The following ZFP3 variants were observed in gnomAD, a reference collection of about 807,000 sequenced individuals.
The protein encoded by ZFP3 is zinc finger protein 3 homolog.
A neutral mutation model predicts 36.7 loss-of-function variants in ZFP3; 18 were observed. That is an observed-to-expected ratio of 0.49 (90% CI 0.34 to 0.73). The LOEUF is 0.73. Ranked by LOEUF, ZFP3 falls within the 30% of genes least tolerant of loss-of-function variation. ZFP3 has a pLI of 0.01. For missense variants in ZFP3, 495 were observed against 599.0 expected (o/e 0.83, Z 1.81); for synonymous variants, 218 against 199.0 (o/e 1.10, Z -0.81).
chr17:5,091,139 C>A (rs1223823257), intron 1 of ZFP3, among the ~76,000 whole-genome samples: 1 of 152,040 alleles, frequency 6.6e-6, no homozygotes, highest in Non-Finnish European at 1.5e-5. Flanking sequence ...CTCTTGAAAT[C>A]TTTTCTCACT....
In ZFP3 at chr17:5,092,816, C is replaced by T. The variant is rs370210152; in HGVS notation, c.1312C>T (p.Leu438Phe). The change falls in exon 2 of 2, where the codon CTC (leucine) becomes TTC (phenylalanine). Residue 438 changes from leucine to phenylalanine, a missense_variant. Leu to Phe is a conservative substitution (Grantham distance 22). This residue lies in a region of ZFP3 where 163 missense variants were observed against 178.4 expected (regional missense o/e 0.91). Transcript: ENST00000318833. This position sits in a 1 kb window ranked among gnomAD's most constrained non-coding sequence, Gnocchi z 5.0. ...CTTTTGGGATAATTCTGAGCTGCTT[C>T]TCCACCAGAAAATTCATATTGGAGA... ...RTFWDNSELL[L>F]HQKIHIGEKP... 2.5e-6 allele frequency: 4 copies of T among 1,614,122 alleles called. No homozygotes were observed. The highest frequency in any genetic ancestry group is 3.4e-6 in the Non-Finnish European group (4 of 1,180,020).
At chr17:5,084,568 C>G (rs1039248146) in intron 1 of ZFP3, among the ~76,000 whole-genome samples, 7 of 151,968 alleles carry the variant, frequency 4.6e-5, no homozygotes, top group Non-Finnish European at 8.8e-5. Context: ...AGCCACCGCG[C>G]CCGGCCTGAA....
In ZFP3 at chr17:5,095,747, TATCCA is replaced by T. The variant is rs2072177839; in HGVS notation, c.*2740_*2744del. On this transcript the variant is annotated 3_prime_UTR_variant, in exon 2 of 2. Transcript: ENST00000318833. Reference sequence around the variant, plus strand: ...CCTCAACTTCTTTTTGCCTACTAGATATCCAATCCATCACCTCGCCTCCCCTGGCC... The same window carrying T: ...CCTCAACTTCTTTTTGCCTACTAGATATCCATCACCTCGCCTCCCCTGGCC... 1 of 165,972 alleles carries T rather than the reference TATCCA, an allele frequency of 6.0e-6. No individual in the cohort carries two copies. The highest frequency in any genetic ancestry group is 1.5e-5 in the Non-Finnish European group (1 of 67,974). The allele number at this position is 165,972 out of a possible 1,614,324, so 10.3% of individuals were successfully genotyped here.
At chr17:5,084,943 ATACC>A (rs543165555) in intron 1 of ZFP3, among the ~76,000 whole-genome samples, 68 of 152,356 alleles carry the variant, frequency 4.5e-4, no homozygotes, top group Admixed American at 5.2e-4. Context: ...ATTTGAGAAG[ATACC>A]CATAGAGCAG....
chr17:5,079,099 A>G (rs1411545514), intron 1 of ZFP3, among the ~76,000 whole-genome samples: 1 of 152,224 alleles, frequency 6.6e-6, no homozygotes, highest in Non-Finnish European at 1.5e-5. Context: ...CAGTGCCATA[A>G]ATTAAATATC....
chr17:5,092,482 G>T lies in ZFP3; in HGVS notation c.978G>T (p.Arg326=), dbSNP rs772787413. Residue 326 remains arginine (R), a synonymous_variant, in exon 2 of 2, where the codon CGG becomes CGT. Coordinates refer to ENST00000318833, the MANE Select transcript of ZFP3 (RefSeq NM_153018.3). This position sits in a 1 kb window ranked among gnomAD's most constrained non-coding sequence, Gnocchi z 5.0. Reference sequence around the variant, plus strand: ...TCGGGCAGAGTTCTGAGCTTATCCGGCATCAGAGAATTCATACAGGGGACA... The same window carrying T: ...TCGGGCAGAGTTCTGAGCTTATCCGTCATCAGAGAATTCATACAGGGGACA... The part of the protein sequence containing the change: ...KGFGQSSELI[R]HQRIHTGDKP... 5.0e-6 allele frequency: 8 copies of T among 1,613,856 alleles called. No homozygotes were observed. In the African/African-American group the frequency reaches 1.1e-4, roughly 22 times the overall value.
intron 1 of ZFP3, among the ~76,000 whole-genome samples, chr17:5,079,461 G>A (rs187578127): frequency 6.6e-6 from 1 of 152,048 alleles, no homozygotes; most frequent in African/African-American, 2.4e-5. Flanking sequence ...AGCCTGGGAA[G>A]TTGAAGCTGC....
intron 1 of ZFP3, among the ~76,000 whole-genome samples, chr17:5,082,776 C>T (rs1880309925): frequency 6.6e-6 from 1 of 152,154 alleles, no homozygotes; most frequent in African/African-American, 2.4e-5. Context: ...GTGATGTACC[C>T]ACCTTAGCCT....
rs1227793919 is a variant in ZFP3 at position 5,094,767 on chromosome 17, T to C, written c.*1754T>C. 6.0e-6 allele frequency: 1 copy of C among 167,142 alleles called. No homozygotes were observed. Among genetic ancestry groups the C allele is most frequent in the Non-Finnish European group, 1.5e-5 (1 of 68,128 alleles). 10.4% of individuals were successfully genotyped at this position (167,142 alleles called of 1,614,324 possible). On this transcript the variant is annotated 3_prime_UTR_variant, in exon 2 of 2. Transcript: ENST00000318833. ...AGTTTACATTTTAATTTTCACATCA[T>C]TTCTATGATGTGGGTACTCATTTTT... is the stretch of plus-strand genomic sequence containing the variant.
chr17:5,090,941 T>G (rs34424607), intron 1 of ZFP3, among the ~76,000 whole-genome samples: 20,977 of 152,162 alleles, frequency 0.14, 2,424 homozygotes, highest in South Asian at 0.5. Context: ...AGTGCTGGGA[T>G]TACAGATGTG....
intron 1 of ZFP3, among the ~76,000 whole-genome samples, chr17:5,080,185 T>C (rs922446863): frequency 6.6e-6 from 1 of 152,160 alleles, no homozygotes; most frequent in Admixed American, 6.5e-5. Context: ...GGCAATAATA[T>C]ATGGAAGTAT....
chr17:5,082,041 G>A (rs1268173086), intron 1 of ZFP3, among the ~76,000 whole-genome samples: 2 of 149,536 alleles, frequency 1.3e-5, no homozygotes, highest in Admixed American at 6.7e-5. Context: ...GTGAAACCCC[G>A]CCTCTACTAA....
At chr17:5,086,136 C>G (rs2072119778) in intron 1 of ZFP3, among the ~76,000 whole-genome samples, 1 of 152,182 alleles carries the variant, frequency 6.6e-6, no homozygotes, top group Admixed American at 6.5e-5. Flanking sequence ...AGAGAAGATG[C>G]TGAGATGGGG....
chr17:5,091,732 T>G lies in ZFP3; in HGVS notation c.228T>G (p.Phe76Leu). The change falls in exon 2 of 2, where the codon TTT (phenylalanine) becomes TTG (leucine). Residue 76 changes from phenylalanine to leucine, a missense_variant. Physicochemically the swap from Phe to Leu is conservative, Grantham distance 22. Around this residue, in one of 3 missense-constraint regions of ZFP3, gnomAD observed 229 missense variants for 233.8 expected, o/e 0.98. Coordinates refer to ENST00000318833, the MANE Select transcript of ZFP3 (RefSeq NM_153018.3). ...ACTTTCCATCAGGGTTGATGATCTT[T>G]AAGAAATCACCCTCAAGTGAGAAAG... ...ERDFPSGLMIFKKSPSSEKDR... is the reference protein window; with the variant it reads ...ERDFPSGLMILKKSPSSEKDR... 6.2e-7 allele frequency: 1 copy of G among 1,614,144 alleles called. No individual in the cohort carries two copies. The highest frequency in any genetic ancestry group is 8.5e-7 in the Non-Finnish European group (1 of 1,180,032).
chr17:5,092,428 A>G lies in ZFP3; in HGVS notation c.924A>G (p.Pro308=), dbSNP rs145806499. The G allele has an allele frequency of 9.9e-5, 159 of 1,614,172 alleles. No homozygotes were observed. Among genetic ancestry groups the G allele is most frequent in the South Asian group, 4.0e-4 (36 of 91,078 alleles). ...RHQKIHTGEK[P]YLCNECGKGF... is the part of the protein sequence containing the mutation. Reference sequence around the variant, plus strand: ...AGAAAATTCATACTGGAGAAAAACCATATCTGTGTAATGAATGTGGGAAGG... The same window carrying G: ...AGAAAATTCATACTGGAGAAAAACCGTATCTGTGTAATGAATGTGGGAAGG... Residue 308 remains proline (P), a synonymous_variant, in exon 2 of 2, where the codon CCA becomes CCG. Transcript: ENST00000318833. This position sits in a 1 kb window ranked among gnomAD's most constrained non-coding sequence, Gnocchi z 5.0.
rs549411734 is a variant in ZFP3, at chr17:5,091,711, T to A, written c.207T>A (p.Phe69Leu). The A allele has an allele frequency of 1.2e-6, 2 of 1,614,064 alleles. No individual in the cohort carries two copies. The highest frequency in any genetic ancestry group is 2.7e-5 in the African/African-American group (2 of 74,908). ...IEQMSPQERD[F>L]PSGLMIFKKS... ...AGATGTCTCCTCAGGAGAGAGACTT[T>A]CCATCAGGGTTGATGATCTTTAAGA... Residue 69 changes from phenylalanine (F) to leucine (L), a missense_variant, in exon 2 of 2, where the codon TTT becomes TTA. Transcript: ENST00000318833.
Position 5,093,022 on chromosome 17 carries a change from A to G in ZFP3, c.*9A>G. 6.5e-7 allele frequency: 1 copy of G among 1,545,276 alleles called. No homozygotes were observed. Among genetic ancestry groups the G allele is most frequent in the Non-Finnish European group, 8.7e-7 (1 of 1,149,172 alleles). On this transcript the variant is annotated 3_prime_UTR_variant, in exon 2 of 2. Transcript: ENST00000318833. Reference sequence around the variant, plus strand: ...TTCACTGTATGGAGTAATCTGCAAAATAGGAAAGCTTTTAGTGGAAAAGCT... The same window carrying G: ...TTCACTGTATGGAGTAATCTGCAAAGTAGGAAAGCTTTTAGTGGAAAAGCT...
intron 1 of ZFP3, among the ~76,000 whole-genome samples, chr17:5,090,414 A>T (rs1418468761): frequency 6.6e-6 from 1 of 152,206 alleles, no homozygotes; most frequent in Non-Finnish European, 1.5e-5. Context: ...TATTCAGTAA[A>T]TGGTATTGAC....
intron 1 of ZFP3, among the ~76,000 whole-genome samples, chr17:5,088,223 T>C (rs534713331): frequency 5.9e-5 from 9 of 152,200 alleles, no homozygotes; most frequent in Non-Finnish European, 1.3e-4. Context: ...ATTCAGAATA[T>C]TGTGGCACCA....
Sources: gnomAD v4.1 joint callset for allele counts (sites outside exome capture counted in the v4.1 genomes callset) on GRCh38, gnomAD v4.1.1 for gene constraint, gnomAD v4.1.1 regional missense constraint, Gnocchi (gnomAD v3.1) non-coding constraint, MANE v1.5 for transcripts, NCBI Gene and HGNC (gene_info 2026-07-23, HGNC 2026-07-21) for gene names.